The following DDX60L variants were observed in gnomAD, a reference collection of about 807,000 sequenced individuals.
DDX60L encodes the protein DExD/H-box 60 like.
A neutral mutation model predicts 211.6 loss-of-function variants in DDX60L; 191 were observed. The ratio of observed to expected loss-of-function variants is 0.90; its 90% CI spans 0.80 to 1.02. DDX60L has a LOEUF of 1.02. Ranked by LOEUF, DDX60L falls within the 50% of genes least tolerant of loss-of-function variation. The pLI, the probability that DDX60L is intolerant of heterozygous loss-of-function variation, is 0.00. For synonymous variants in DDX60L, 706 were observed against 694.1 expected (o/e 1.02, Z -0.27); for missense variants, 2,007 against 1,984.1 (o/e 1.01, Z -0.22).
At chr4:168,449,655 A>AAAAAAAAAAAAAAAAAAAAAAATAAAAAC (rs1755459337) in intron 8 of DDX60L, among the ~76,000 whole-genome samples, 1 of 72,858 alleles carries the variant, frequency 1.4e-5, no homozygotes, top group Non-Finnish European at 2.7e-5. Context: ...AAAAATGCAA[A>AAAAAAAAAAAAAAAAAAAAAAATAAAAAC]AAAAAAAAAA....
chr4:168,407,885 T>C (rs1013730525), intron 22 of DDX60L, among the ~76,000 whole-genome samples: 2 of 152,226 alleles, frequency 1.3e-5, no homozygotes, highest in Admixed American at 1.3e-4. Context: ...TTCAAGATTG[T>C]GGTGAGATTC....
Position 168,421,806 on chromosome 4 carries a change from A to G in DDX60L, c.2348T>C (p.Leu783Pro). 1.2e-6 allele frequency: 2 copies of G among 1,614,222 alleles called. No individual in the cohort carries two copies. The highest frequency in any genetic ancestry group is 2.2e-5 in the South Asian group (2 of 91,088). The change falls in exon 17 of 38, where the codon CTG becomes CCG. Residue 783 changes from leucine to proline, a missense_variant. By Grantham distance (98) the Leu-to-Pro change is moderately conservative. Coordinates refer to ENST00000682922, the MANE Select transcript of DDX60L (RefSeq NM_001012967.3). ...AACCACCCCGACATCGCTCTCCCTCAGCACTTTCTCCATGCAGTAGTAGGA... is the reference window on the plus strand; with the variant it reads ...AACCACCCCGACATCGCTCTCCCTCGGCACTTTCTCCATGCAGTAGTAGGA... ...YASYYCMEKV[L>P]RESDVGVVVY...
chr4:168,442,823 G>A (rs1754139447), intron 9 of DDX60L, among the ~76,000 whole-genome samples: 1 of 151,218 alleles, frequency 6.6e-6, no homozygotes, highest in Admixed American at 6.6e-5. Context: ...GGTCCTCTCT[G>A]TTAGAAGGAA....
intron 36 of DDX60L, among the ~76,000 whole-genome samples, chr4:168,371,406 T>C (rs1382950015): frequency 6.8e-6 from 1 of 147,692 alleles, no homozygotes; most frequent in African/African-American, 2.5e-5. Context: ...AGTGATCTAG[T>C]ATGATTTTTA....
At chr4:168,428,998 C>T (rs1751908332) in intron 13 of DDX60L, among the ~76,000 whole-genome samples, 1 of 152,058 alleles carries the variant, frequency 6.6e-6, no homozygotes, top group Admixed American at 6.5e-5. Flanking sequence ...AAACAAAAGT[C>T]CAGGACAGAT....
intron 35 of DDX60L, among the ~76,000 whole-genome samples, chr4:168,372,164 A>G (rs1406505570): frequency 6.6e-6 from 1 of 152,170 alleles, no homozygotes; most frequent in Non-Finnish European, 1.5e-5. Context: ...AATGACCTTG[A>G]AAGGAGTGTC....
At chr4:168,371,784 T>C in intron 35 of DDX60L, 21 bp from the exon 36 acceptor site, 4 of 1,578,752 alleles carry the variant, frequency 2.5e-6, no homozygotes, top group Non-Finnish European at 3.5e-6. Flanking sequence ...ACATTTTCTA[T>C]TACTTCATTA....
intron 30 of DDX60L, 31 bp from the exon 31 acceptor site, chr4:168,379,861 G>T: frequency 6.8e-7 from 1 of 1,474,776 alleles, no homozygotes; most frequent in Non-Finnish European, 9.4e-7. Flanking sequence ...AATTTATCTA[G>T]TTTTAAACAG....
rs375621898 is a variant in DDX60L at position 168,472,655 on chromosome 4, T to C, written c.4+41A>G. 4.3e-4 allele frequency: 687 copies of C among 1,611,076 alleles called. 2 individuals are homozygous for C. Among genetic ancestry groups the C allele is most frequent in the Non-Finnish European group, 5.5e-4 (652 of 1,178,108 alleles). ...ATTGAATCTGAATATCTTACAAGAT[T>C]GTTGCTTTATAGGCTACAAATATCA... On this transcript the variant is annotated intron_variant, in intron 2 of 37. Coordinates refer to ENST00000682922, the MANE Select transcript of DDX60L (RefSeq NM_001012967.3).
chr4:168,366,987 GAT>G (rs1454907556), intron 36 of DDX60L, among the ~76,000 whole-genome samples: 5 of 151,726 alleles, frequency 3.3e-5, no homozygotes, highest in African/African-American at 4.8e-5. Context: ...AGGTTATGCT[GAT>G]ATGTTATATG....
At chr4:168,359,772 C>T (rs1416468390) in intron 37 of DDX60L, among the ~76,000 whole-genome samples, 3 of 152,132 alleles carry the variant, frequency 2.0e-5, no homozygotes, top group African/African-American at 7.2e-5. Flanking sequence ...CATATACAAC[C>T]AAATTCCTTT....
intron 24 of DDX60L, among the ~76,000 whole-genome samples, chr4:168,404,752 A>G (rs1473929877): frequency 6.6e-6 from 1 of 152,204 alleles, no homozygotes; most frequent in Non-Finnish European, 1.5e-5. Context: ...TTAATCAGAA[A>G]AAATAAATGT....
intron 34 of DDX60L, among the ~76,000 whole-genome samples, chr4:168,375,174 G>GT (rs1018652325): frequency 5.9e-5 from 9 of 151,488 alleles, no homozygotes; most frequent in South Asian, 4.2e-4. Flanking sequence ...TAATTATAAA[G>GT]TTTTTTTTTA....
At chr4:168,403,341 C>T (rs945979347) in intron 25 of DDX60L, among the ~76,000 whole-genome samples, 2 of 152,244 alleles carry the variant, frequency 1.3e-5, no homozygotes, top group Non-Finnish European at 2.9e-5. Flanking sequence ...AACAACTTCA[C>T]ATTACCATTG....
intron 1 of DDX60L, among the ~76,000 whole-genome samples, chr4:168,477,863 C>T (rs1422424225): frequency 6.6e-6 from 1 of 152,138 alleles, no homozygotes; most frequent in Non-Finnish European, 1.5e-5. Flanking sequence ...TTTTGAGGAG[C>T]TATGACCAAG....
rs751953809 is a variant in DDX60L, at chr4:168,384,607, G to A, written c.4116+5C>T. ...CTGAACCTCAGGCAGTGTCCAGCAC[G>A]GTACCTTTGCCTTGGCATCCTCTGG... is the stretch of plus-strand genomic sequence containing the variant. On this transcript the variant is annotated splice_donor_5th_base_variant and intron_variant, in intron 30 of 37. Coordinates refer to ENST00000682922, the MANE Select transcript of DDX60L (RefSeq NM_001012967.3). The A allele has an allele frequency of 5.9e-5, 95 of 1,613,680 alleles. No individual in the cohort carries two copies. The highest frequency in any genetic ancestry group is 4.7e-4 in the African/African-American group (35 of 75,054).
At chr4:168,371,803 T>C (rs922373778) in intron 35 of DDX60L, 40 bp from the exon 36 acceptor site, 15 of 1,539,258 alleles carry the variant, frequency 9.7e-6, no homozygotes, top group Admixed American at 1.7e-5. Flanking sequence ...TACTGATATG[T>C]AAAGAGTAAC....
rs1290576885 is a variant in DDX60L, at chr4:168,398,118, C to T, written c.3492-1994G>A. On this transcript the variant is annotated intron_variant, in intron 26 of 37. Transcript: ENST00000682922. ...GTGGACCCAGGCATCTCCACACTCT[C>T]GGGGGCCCAGGAAGGCCCCCTTCCC... Among the ~76,000 whole-genome samples the T allele has an allele frequency of 2.6e-5, 4 of 152,302 alleles. No homozygotes were observed. In the South Asian group the frequency reaches 6.2e-4, roughly 24 times the overall value.
chr4:168,447,978 T>C (rs1755084543), intron 9 of DDX60L, among the ~76,000 whole-genome samples: 1 of 151,368 alleles, frequency 6.6e-6, no homozygotes, highest in Non-Finnish European at 1.5e-5. Context: ...TGTATACATA[T>C]GTAACTAACC....
Sources: gnomAD v4.1 joint callset for allele counts (sites outside exome capture counted in the v4.1 genomes callset) on GRCh38, gnomAD v4.1.1 for gene constraint, MANE v1.5 for transcripts, NCBI Gene and HGNC (gene_info 2026-07-23, HGNC 2026-07-21) for gene names.